TCF4: variants seen among roughly 807,000 people sequenced by gnomAD.
The protein encoded by TCF4 is transcription factor 4.
TCF4 carries 3 observed loss-of-function variants against 82.1 expected under a neutral mutation model. The ratio of observed to expected loss-of-function variants is 0.04; its 90% CI spans 0.02 to 0.09. The LOEUF (loss-of-function observed/expected upper bound fraction) is 0.09, where lower values mean the gene tolerates loss of function less well. Among genes scored for constraint, TCF4 ranks in the 10% least tolerant of loss-of-function variants. TCF4 has a pLI of 1.00. For synonymous variants in TCF4, 276 were observed against 309.6 expected (o/e 0.89, Z 1.14); for missense variants, 518 against 852.7 (o/e 0.61, Z 4.89).
chr18:55,528,779 T>C (rs1011068571), intron 3 of TCF4, among the ~76,000 whole-genome samples: 2 of 152,212 alleles, frequency 1.3e-5, no homozygotes, highest in Non-Finnish European at 2.9e-5. Flanking sequence ...ATGAGTAATA[T>C]GGGTTGTTGT....
At chr18:55,553,580 T>C (rs918801365) in intron 3 of TCF4, among the ~76,000 whole-genome samples, 1 of 152,208 alleles carries the variant, frequency 6.6e-6, no homozygotes, top group Non-Finnish European at 1.5e-5. Context: ...CAACTCCCTG[T>C]GTTTATGTAT....
intron 8 of TCF4, chr18:55,302,730 C>T (rs1404742341): frequency 3.1e-6 from 3 of 975,012 alleles, no homozygotes; most frequent in East Asian, 2.9e-5. Flanking sequence ...GGGACAAGCC[C>T]AGCCACCCAA....
At chr18:55,412,054 T>C (rs1401054295) in intron 5 of TCF4, among the ~76,000 whole-genome samples, 2 of 152,156 alleles carry the variant, frequency 1.3e-5, no homozygotes, top group African/African-American at 4.8e-5. Flanking sequence ...TTTTTTTTCT[T>C]GCAAATAAAA....
intron 13 of TCF4, chr18:55,259,710 T>C: frequency 2.0e-6 from 1 of 503,026 alleles, no homozygotes; most frequent in East Asian, 3.2e-5. Flanking sequence ...AAATACATTT[T>C]CCATATGCCT....
At chr18:55,518,335 ACT>A (rs753194729) in intron 3 of TCF4, among the ~76,000 whole-genome samples, 1 of 152,168 alleles carries the variant, frequency 6.6e-6, no homozygotes, top group African/African-American at 2.4e-5. Context: ...AATTTCAAAG[ACT>A]CTATCAAGAA....
At chr18:55,260,293 C>T (rs1466008366) in intron 12 of TCF4, among the ~76,000 whole-genome samples, 1 of 152,194 alleles carries the variant, frequency 6.6e-6, no homozygotes, top group African/African-American at 2.4e-5. Context: ...TTCGTTCCTA[C>T]TGGCTGTGTG....
At chr18:55,560,793 A>T (rs576127792) in intron 3 of TCF4, among the ~76,000 whole-genome samples, 1 of 152,142 alleles carries the variant, frequency 6.6e-6, no homozygotes, top group Non-Finnish European at 1.5e-5. Context: ...TCTATCTGTG[A>T]ACTCCTTTTT....
At position 55,254,591 on chromosome 18, in the gene TCF4, T is replaced by C. The variant is rs373097472; in HGVS notation, c.1256A>G (p.His419Arg). Reference sequence around the variant, plus strand: ...ATTATGAGAAGGTCCAATGATTCCATGCATGTCCCCATGACCACCAGGCAT... The same window carrying C: ...ATTATGAGAAGGTCCAATGATTCCACGCATGTCCCCATGACCACCAGGCAT... Reference protein sequence around the residue: ...TAMPGGHGDMHGIIGPSHNGA... With the variant: ...TAMPGGHGDMRGIIGPSHNGA... Residue 419 changes from histidine to arginine, a missense_variant, in exon 15 of 20, where the codon CAT becomes CGT. By Grantham distance (29) the His-to-Arg change is conservative. Transcript: ENST00000354452. 9 of 1,613,788 alleles carry C rather than the reference T, an allele frequency of 5.6e-6. No homozygotes were observed. The African/African-American group carries it at 1.1e-4, about 19-fold the overall frequency.
At chr18:55,525,338 A>G (rs1013998182) in intron 3 of TCF4, among the ~76,000 whole-genome samples, 1 of 152,060 alleles carries the variant, frequency 6.6e-6, no homozygotes, top group African/African-American at 2.4e-5. Context: ...ATAAAGAAAA[A>G]TACTCTTCTA....
chr18:55,391,360 T>C (rs556470481), intron 6 of TCF4, among the ~76,000 whole-genome samples: 3 of 152,238 alleles, frequency 2.0e-5, no homozygotes, highest in Non-Finnish European at 4.4e-5. Flanking sequence ...TCATAATATA[T>C]ATATTTTTTA....
At chr18:55,276,382 G>A (rs1367910547) in intron 9 of TCF4, among the ~76,000 whole-genome samples, 1 of 151,950 alleles carries the variant, frequency 6.6e-6, no homozygotes, top group Non-Finnish European at 1.5e-5. Flanking sequence ...CAATCCAAAG[G>A]GTACAAACAT....
intron 3 of TCF4, chr18:55,482,833 C>T (rs2096459342): frequency 6.6e-6 from 1 of 152,196 alleles, no homozygotes; most frequent in African/African-American, 2.4e-5. Context: ...CCCACCACTC[C>T]ACTTTCCTAC....
intron 3 of TCF4, among the ~76,000 whole-genome samples, chr18:55,467,319 C>T (rs941891276): frequency 6.6e-6 from 1 of 152,156 alleles, no homozygotes; most frequent in Middle Eastern, 3.2e-3. Flanking sequence ...AGCATTTCCT[C>T]AATAACTATT....
intron 8 of TCF4, among the ~76,000 whole-genome samples, chr18:55,302,847 T>C (rs1568856997): frequency 6.6e-6 from 1 of 151,986 alleles, no homozygotes; most frequent in Non-Finnish European, 1.5e-5. Context: ...ATAGAGGAGG[T>C]CTCCTTCCCT....
At chr18:55,613,221 T>C (rs1423460604) in intron 2 of TCF4, among the ~76,000 whole-genome samples, 1 of 152,072 alleles carries the variant, frequency 6.6e-6, no homozygotes, top group Non-Finnish European at 1.5e-5. Context: ...CCCAAAAGCT[T>C]CCTCATGCCC....
intron 3 of TCF4, among the ~76,000 whole-genome samples, chr18:55,575,909 C>T (rs745983886): frequency 1.1e-4 from 17 of 152,266 alleles, no homozygotes; most frequent in African/African-American, 1.4e-4. Flanking sequence ...AAGTTTTAAA[C>T]GCATTTCTCA....
At chr18:55,556,986 T>C (rs76375579) in intron 3 of TCF4, among the ~76,000 whole-genome samples, 339 of 152,298 alleles carry the variant, frequency 2.2e-3, no homozygotes, top group African/African-American at 7.7e-3. Context: ...TCTGGGAATC[T>C]AGGAACAACC....
intron 6 of TCF4, among the ~76,000 whole-genome samples, chr18:55,397,860 T>C (rs2093591310): frequency 6.6e-6 from 1 of 152,192 alleles, no homozygotes; most frequent in Non-Finnish European, 1.5e-5. Flanking sequence ...TGTATTCTTA[T>C]ACATATTATA....
chr18:55,401,417 C>T lies in TCF4; in HGVS notation c.369+2037G>A, dbSNP rs150410317. ...ATCTCCACACTCCACGGCTACATTA[C>T]GAAGGCTTTTTAAGAAAAGCATATG... On this transcript the variant is annotated intron_variant, in intron 6 of 19. Coordinates refer to ENST00000354452, the MANE Select transcript of TCF4 (RefSeq NM_001083962.2). The T allele has an allele frequency of 7.9e-3, 8,379 of 1,063,180 alleles. 77 individuals are homozygous for T. The highest frequency in any genetic ancestry group is 0.043 in the South Asian group (1,405 of 32,884). 65.9% of individuals were successfully genotyped at this position (1,063,180 alleles called of 1,614,324 possible). A position where few individuals can be genotyped will look rare whatever the true frequency, so the allele number is the denominator to read the frequency against.
Sources: allele counts gnomAD v4.1 joint callset (sites outside exome capture counted in the v4.1 genomes callset), GRCh38; gene constraint gnomAD v4.1.1; transcripts MANE v1.5; gene names NCBI Gene and HGNC (gene_info 2026-07-23, HGNC 2026-07-21).